Variants in COL5A2 observed in about 807,000 individuals in gnomAD.
The protein encoded by COL5A2 is collagen alpha-2(V) chain.
A neutral mutation model predicts 208.2 loss-of-function variants in COL5A2; 23 were observed. That is an observed-to-expected ratio of 0.11 (90% CI 0.08 to 0.16). The LOEUF (loss-of-function observed/expected upper bound fraction) is 0.16. COL5A2 is among the 10% of genes least tolerant of loss of function. COL5A2 has a pLI of 1.00. For synonymous variants in COL5A2, 625 were observed against 628.5 expected (o/e 0.99, Z 0.08); for missense variants, 1,590 against 1,956.4 (o/e 0.81, Z 3.53).
the COL5A2 span, among the ~76,000 whole-genome samples, chr2:189,298,198 G>A: frequency 6.6e-6 from 1 of 152,150 alleles, no homozygotes; most frequent in Non-Finnish European, 1.5e-5. Flanking sequence ...AGAGAAACAA[G>A]TGCCTTTTTG....
intron 52 of COL5A2, among the ~76,000 whole-genome samples, chr2:189,035,896 C>A (rs75978371): frequency 0.012 from 1,775 of 152,048 alleles, 42 homozygotes; most frequent in African/African-American, 0.039. Flanking sequence ...TTGCAACAGG[C>A]AGTGGAAAGG....
the COL5A2 span, among the ~76,000 whole-genome samples, chr2:189,248,973 T>G: frequency 1.3e-5 from 2 of 152,154 alleles, no homozygotes; most frequent in Non-Finnish European, 2.9e-5. Flanking sequence ...TCAAATGATT[T>G]GGGATAAATT....
the COL5A2 span, among the ~76,000 whole-genome samples, chr2:189,343,720 T>C: frequency 6.6e-6 from 1 of 152,166 alleles, no homozygotes; most frequent in Non-Finnish European, 1.5e-5. Flanking sequence ...GAACCTTAAA[T>C]CCATGGGTAT....
At chr2:189,287,280 T>A in the COL5A2 span, among the ~76,000 whole-genome samples, 5 of 152,172 alleles carry the variant, frequency 3.3e-5, no homozygotes, top group East Asian at 7.7e-4. Flanking sequence ...AGGTATAAAA[T>A]TTTTTTACAA....
At chr2:189,398,309 T>G in the COL5A2 span, among the ~76,000 whole-genome samples, 5 of 152,282 alleles carry the variant, frequency 3.3e-5, no homozygotes, top group South Asian at 8.3e-4. Context: ...TAATGTTTGC[T>G]ATTGCTCAAA....
At chr2:189,326,374 A>G in the COL5A2 span, among the ~76,000 whole-genome samples, 1 of 152,112 alleles carries the variant, frequency 6.6e-6, no homozygotes, top group Admixed American at 6.5e-5. Context: ...AGAGATTGTA[A>G]AACAGACTTC....
intron 26 of COL5A2, 88 bp from the exon 27 acceptor site, chr2:189,063,358 T>C (rs753012219): frequency 1.0e-5 from 11 of 1,078,740 alleles, no homozygotes; most frequent in Non-Finnish European, 1.6e-5. Flanking sequence ...CTTACTATCA[T>C]GTTACATAAA....
At chr2:189,410,768 C>T in the COL5A2 span, among the ~76,000 whole-genome samples, 1 of 151,544 alleles carries the variant, frequency 6.6e-6, no homozygotes, top group African/African-American at 2.4e-5. Flanking sequence ...TATGCAATTG[C>T]CTAAATTTTT....
chr2:189,383,088 T>A, the COL5A2 span, among the ~76,000 whole-genome samples: 1 of 152,226 alleles, frequency 6.6e-6, no homozygotes, highest in Non-Finnish European at 1.5e-5. Context: ...AATTTGTACA[T>A]TTTTACTAAC....
At chr2:189,085,338 A>C in intron 10 of COL5A2, 125 bp from the exon 11 acceptor site, 1 of 923,944 alleles carries the variant, frequency 1.1e-6, no homozygotes, top group Admixed American at 2.2e-5. Flanking sequence ...AAAATGATAA[A>C]TATTGTTGAG....
chr2:189,265,064 C>T, the COL5A2 span, among the ~76,000 whole-genome samples: 1 of 152,004 alleles, frequency 6.6e-6, no homozygotes, highest in Non-Finnish European at 1.5e-5. Flanking sequence ...TACAAAAATC[C>T]CTGGGGGACC....
At chr2:189,119,073 A>C (rs1029233814) in intron 1 of COL5A2, among the ~76,000 whole-genome samples, 2 of 152,102 alleles carry the variant, frequency 1.3e-5, no homozygotes, top group Admixed American at 1.3e-4. Flanking sequence ...ATCAAAACTC[A>C]ATATGCTCTG....
chr2:189,195,803 C>T (rs1464183521), intron 1 of COL5A2, among the ~76,000 whole-genome samples: 3 of 152,066 alleles, frequency 2.0e-5, no homozygotes, highest in South Asian at 2.1e-4. Flanking sequence ...ATGCCCTATA[C>T]AAAAATTAAC....
intron 1 of COL5A2, among the ~76,000 whole-genome samples, chr2:189,140,806 T>C (rs895891647): frequency 1.8e-4 from 28 of 152,180 alleles, no homozygotes; most frequent in African/African-American, 6.0e-4. Flanking sequence ...AATATATTTT[T>C]CTAAGGCTCA....
chr2:189,071,291 G>A (rs1303616945), intron 18 of COL5A2, among the ~76,000 whole-genome samples: 2 of 152,166 alleles, frequency 1.3e-5, no homozygotes, highest in East Asian at 3.9e-4. Flanking sequence ...GATTAAGAAT[G>A]TCTTTGCAAA....
At chr2:189,035,481 A>G (rs1685426236) in intron 52 of COL5A2, among the ~76,000 whole-genome samples, 1 of 151,894 alleles carries the variant, frequency 6.6e-6, no homozygotes, top group Admixed American at 6.6e-5. Context: ...TAATTATAAT[A>G]AAAATTAGAA....
At chr2:189,059,055 A>G (rs2105579647) in intron 31 of COL5A2, among the ~76,000 whole-genome samples, 162 bp from the exon 32 acceptor site, 1 of 152,298 alleles carries the variant, frequency 6.6e-6, no homozygotes, top group East Asian at 1.9e-4. Context: ...TTTATAAATG[A>G]GGGAATATTA....
chr2:189,303,729 C>CA, the COL5A2 span, among the ~76,000 whole-genome samples: 1 of 152,196 alleles, frequency 6.6e-6, no homozygotes, highest in Admixed American at 6.5e-5. Flanking sequence ...GCTGAATGTT[C>CA]AAACTGTGTT....
At chr2:189,054,286 A>C in intron 35 of COL5A2, 74 bp from the exon 36 acceptor site, 16 of 1,091,250 alleles carry the variant, frequency 1.5e-5, no homozygotes, top group Non-Finnish European at 2.0e-5. Flanking sequence ...AAATCAACAA[A>C]CAAAAAAGAA....
Sources: gnomAD v4.1 joint callset for allele counts (sites outside exome capture counted in the v4.1 genomes callset) on GRCh38, gnomAD v4.1.1 for gene constraint, MANE v1.5 for transcripts, NCBI Gene and HGNC (gene_info 2026-07-23, HGNC 2026-07-21) for gene names.